Variants in PAQR3 observed in about 807,000 individuals in gnomAD.
PAQR3 encodes Raf kinase trapping to Golgi.
PAQR3 carries 39 observed loss-of-function variants against 41.7 expected under a neutral mutation model. The ratio of observed to expected loss-of-function variants is 0.93; its 90% CI spans 0.72 to 1.22. PAQR3 has a LOEUF of 1.22. Ranked by LOEUF, PAQR3 falls within the 50% of genes most tolerant of loss-of-function variation. The pLI, the probability that PAQR3 is intolerant of heterozygous loss-of-function variation, is 0.00. For synonymous variants in PAQR3, 140 were observed against 140.6 expected, an observed-to-expected ratio of 1.00 and a Z score of 0.03; for missense variants, 366 against 385.6, an observed-to-expected ratio of 0.95 and a Z score of 0.42.
At chr4:78,901,764 CGTA>C (rs1242219592) in intron 11 of PAQR3, among the ~76,000 whole-genome samples, 3 of 152,046 alleles carry the variant, frequency 2.0e-5, no homozygotes, top group African/African-American at 7.2e-5. Flanking sequence ...ACTTCTAAAA[CGTA>C]GTTTTCATGA....
rs138842102 is a variant in PAQR3 at position 78,932,261 on chromosome 4, C to T, written c.349-1936G>A. ...GCTTTTTGGTTACTAAGCAACCAAT[C>T]AGTAACTAATTCTAAGTTAGTTATT... On this transcript the variant is annotated intron_variant, in intron 2 of 5. Coordinates refer to ENST00000512733, the MANE Select transcript of PAQR3 (RefSeq NM_001040202.2). Among the ~76,000 whole-genome samples, 476 of 152,236 alleles carry T rather than the reference C, an allele frequency of 3.1e-3. 6 individuals carry two copies. In the Middle Eastern group the frequency reaches 0.051, roughly 16 times the overall value.
intron 1 of PAQR3, among the ~76,000 whole-genome samples, chr4:78,936,186 T>C (rs938559858): frequency 6.6e-6 from 1 of 152,216 alleles, no homozygotes; most frequent in African/African-American, 2.4e-5. Context: ...TTTTGTGAAA[T>C]GGTTCTCCAG....
At chr4:78,938,551 G>T (rs1316147004) in intron 1 of PAQR3, among the ~76,000 whole-genome samples, 1 of 152,032 alleles carries the variant, frequency 6.6e-6, no homozygotes, top group African/African-American at 2.4e-5. Context: ...GAAAACAAGG[G>T]CCATGTTTGC....
Position 78,923,882 on chromosome 4 carries a change from G to A in PAQR3, c.768C>T (p.Ser256=), listed in dbSNP as rs1335846890. The part of the protein sequence containing the change: ...IALLAFLFYI[S]KVPERYFPGQ... ...CTGGAAAGTACCGCTCTGGGACTTT[G>A]GAAATGTAGAATAGGAAAGCAAGAA... The change falls in exon 5 of 6, where the codon TCC becomes TCT. Residue 256 remains serine (S), a synonymous_variant. Coordinates refer to ENST00000512733, the MANE Select transcript of PAQR3 (RefSeq NM_001040202.2). 3 of 1,612,876 alleles carry A rather than the reference G, an allele frequency of 1.9e-6. No homozygotes were observed. In the African/African-American group the frequency reaches 4.0e-5, roughly 22 times the overall value.
rs1316341844 is a variant in PAQR3 at position 78,915,493 on chromosome 4, G to A, written c.*5046C>T. On this transcript the variant is annotated 3_prime_UTR_variant, in exon 6 of 6. Transcript: ENST00000512733. ...ATTTTTTTTTCTTTTTAGCAAACTTGTTATTTTAGGTCCAATTATTGAGTT... is the reference window on the plus strand; with the variant it reads ...ATTTTTTTTTCTTTTTAGCAAACTTATTATTTTAGGTCCAATTATTGAGTT... The A allele has an allele frequency of 6.6e-6, 1 of 151,536 alleles. No individual in the cohort carries two copies. The highest frequency in any genetic ancestry group is 1.5e-5 in the Non-Finnish European group (1 of 67,764). The allele number at this position is 151,536 out of a possible 1,614,324, so 9.4% of individuals were successfully genotyped here.
intron 4 of PAQR3, among the ~76,000 whole-genome samples, 185 bp from the exon 5 acceptor site, chr4:78,924,132 C>CT (rs1181316646): frequency 1.3e-5 from 2 of 152,116 alleles, no homozygotes; most frequent in African/African-American, 4.8e-5. Flanking sequence ...AGAGAATGCT[C>CT]TAACGGTCAG....
intron 3 of PAQR3, among the ~76,000 whole-genome samples, 175 bp downstream of exon 3, chr4:78,929,995 T>C (rs1313307326): frequency 6.6e-6 from 1 of 152,220 alleles, no homozygotes; most frequent in Non-Finnish European, 1.5e-5. Flanking sequence ...ATGGAACTGA[T>C]AACAGATGTT....
rs924690815 is a variant in PAQR3, at chr4:78,917,202, A to G, written c.*3337T>C. The G allele has an allele frequency of 2.6e-5, 4 of 151,984 alleles. No homozygotes were observed. The highest frequency in any genetic ancestry group is 6.6e-5 in the Admixed American group (1 of 15,226). 9.4% of individuals were successfully genotyped at this position (151,984 alleles called of 1,614,324 possible). ...AAGCCCAGGTCAAGCATCATATGTA[A>G]CATGTAGTTAATATTCTCATATTGA... On this transcript the variant is annotated 3_prime_UTR_variant, in exon 6 of 6. Coordinates refer to ENST00000512733, the MANE Select transcript of PAQR3 (RefSeq NM_001040202.2).
chr4:78,910,195 C>T (rs1734511554), downstream of PAQR3, among the ~76,000 whole-genome samples: 1 of 152,176 alleles, frequency 6.6e-6, no homozygotes, highest in Admixed American at 6.5e-5. Flanking sequence ...GCTTGTTGAT[C>T]TCTATGGGAA....
rs770620988 is a variant in PAQR3, at chr4:78,904,674, A to T, written c.*836+1434T>A. Among the ~76,000 whole-genome samples, 58 of 151,988 alleles carry T rather than the reference A, an allele frequency of 3.8e-4. 2 individuals are homozygous for T. The highest frequency in any genetic ancestry group is 3.1e-4 in the Non-Finnish European group (21 of 67,852). On this transcript the variant is annotated intron_variant and NMD_transcript_variant, in intron 11 of 12. Transcript: ENST00000342820. ...GGATTTGCTCTCATTTTCAGATAGT[A>T]GAATTCAGCAGAAGTAAAGAATTGA...
downstream of PAQR3, chr4:78,911,692 C>T (rs775170361): frequency 6.2e-7 from 1 of 1,613,944 alleles, no homozygotes; most frequent in Non-Finnish European, 8.5e-7. Flanking sequence ...TAGTGTTGCA[C>T]TGACTGATGG....
At chr4:78,927,648 GAT>G (rs949775081) in intron 3 of PAQR3, among the ~76,000 whole-genome samples, 2 of 152,254 alleles carry the variant, frequency 1.3e-5, no homozygotes, top group African/African-American at 4.8e-5. Context: ...AATGAACAAA[GAT>G]GTTCCAGTTT....
chr4:78,910,503 C>A, downstream of PAQR3: 1 of 942,940 alleles, frequency 1.1e-6, no homozygotes, highest in Non-Finnish European at 1.5e-6. Context: ...TCTAAGGGAA[C>A]TCGTATGAGG....
intron 11 of PAQR3, among the ~76,000 whole-genome samples, chr4:78,897,172 G>A (rs1009888352): frequency 6.6e-6 from 1 of 150,598 alleles, no homozygotes; most frequent in Admixed American, 6.6e-5. Context: ...TTTTTTGAGA[G>A]CAGCTTAAGA....
intron 5 of PAQR3, chr4:78,922,216 T>C: frequency 8.4e-7 from 1 of 1,190,728 alleles, no homozygotes; most frequent in Non-Finnish European, 1.1e-6. Context: ...CCTAGATCTG[T>C]TCCCAAATCC....
At chr4:78,921,950 T>C in intron 5 of PAQR3, 5 of 984,958 alleles carry the variant, frequency 5.1e-6, no homozygotes, top group Non-Finnish European at 6.0e-6. Flanking sequence ...TACAATAAGT[T>C]TGATTGTTTA....
Position 78,935,264 on chromosome 4 carries a change from C to A in PAQR3, c.205G>T (p.Glu69Ter). The A allele has an allele frequency of 6.2e-7, 1 of 1,610,042 alleles. No homozygotes were observed. Among genetic ancestry groups the A allele is most frequent in the South Asian group, 1.1e-5 (1 of 89,898 alleles). ...CIKSLFILSN[E>*]TVNIWSHLLG... ...AAATGACTCCAGATGTTTACTGTCT[C>A]ATTAGATAAAATAAACAAACTGGAA... The change falls in exon 2 of 6, where the codon GAG (glutamate) becomes TAG (stop). Residue 69 changes from glutamate (E) to a stop codon, truncating the protein, a stop_gained. Coordinates refer to ENST00000512733, the MANE Select transcript of PAQR3 (RefSeq NM_001040202.2). LOFTEE classifies it high-confidence loss of function.
intron 11 of PAQR3, among the ~76,000 whole-genome samples, chr4:78,888,873 G>A (rs908375410): frequency 2.0e-5 from 3 of 152,104 alleles, no homozygotes; most frequent in Non-Finnish European, 4.4e-5. Context: ...AAAAAATCAT[G>A]ACTATCTATA....
Position 78,926,724 on chromosome 4 carries a change from A to G in PAQR3, c.505-6T>C, listed in dbSNP as rs367933299. Reference sequence around the variant, plus strand: ...AAGTACACCTGACGCCAGTACTAGAATGAAAGGAAATCACATTTTAATTCT... The same window carrying G: ...AAGTACACCTGACGCCAGTACTAGAGTGAAAGGAAATCACATTTTAATTCT... On this transcript the variant is annotated splice_region_variant and splice_polypyrimidine_tract_variant and intron_variant, in intron 3 of 5. Transcript: ENST00000512733. 1 of 1,610,624 alleles carries G rather than the reference A, an allele frequency of 6.2e-7. No individual in the cohort carries two copies. Among genetic ancestry groups the G allele is most frequent in the Non-Finnish European group, 8.5e-7 (1 of 1,177,000 alleles).
Sources: allele counts gnomAD v4.1 joint callset (sites outside exome capture counted in the v4.1 genomes callset), GRCh38; gene constraint gnomAD v4.1.1; transcripts MANE v1.5; gene names NCBI Gene and HGNC (gene_info 2026-07-23, HGNC 2026-07-21).